ALDH2: variants seen among roughly 807,000 people sequenced by gnomAD.
The protein encoded by ALDH2 is aldehyde dehydrogenase 2 family member.
Under a neutral mutation model 59.6 loss-of-function variants are expected in ALDH2, and 44 were observed. That is an observed-to-expected ratio of 0.74 (90% CI 0.58 to 0.95). The LOEUF is 0.95. Ranked by LOEUF, ALDH2 falls within the 40% of genes least tolerant of loss-of-function variation. The probability of loss-of-function intolerance (pLI) is 0.00; values close to 1 mark genes in which losing one functional copy is unlikely to be tolerated. For missense variants in ALDH2, 570 were observed against 696.3 expected, an observed-to-expected ratio of 0.82 and a Z score of 2.04; for synonymous variants, 291 against 284.0, an observed-to-expected ratio of 1.02 and a Z score of -0.25.
chr12:111,783,236 C>T lies in ALDH2; in HGVS notation c.298C>T (p.His100Tyr). 6.2e-7 allele frequency: 1 copy of T among 1,613,478 alleles called. No homozygotes were observed. Among genetic ancestry groups the T allele is most frequent in the Non-Finnish European group, 8.5e-7 (1 of 1,179,734 alleles). ...GSPWRRMDAS[H>Y]RGRLLNRLAD... ...ACCTTGGCGCCGCATGGACGCATCA[C>T]ACAGGGGCCGGCTGCTGAACCGCCT... is the stretch of plus-strand genomic sequence containing the variant. Residue 100 changes from histidine to tyrosine, a missense_variant, in exon 3 of 13, where the codon CAC becomes TAC. Transcript: ENST00000261733.
At chr12:111,778,071 T>G (rs1194706737) in intron 1 of ALDH2, among the ~76,000 whole-genome samples, 1 of 152,132 alleles carries the variant, frequency 6.6e-6, no homozygotes, top group Non-Finnish European at 1.5e-5. Context: ...CCTGGGGCAC[T>G]CTGTTTCCAC....
intron 4 of ALDH2, among the ~76,000 whole-genome samples, chr12:111,786,372 G>A (rs2068309010): frequency 6.6e-6 from 1 of 151,992 alleles, no homozygotes; most frequent in African/African-American, 2.4e-5. Flanking sequence ...GAGTAGCTGG[G>A]ACTACAGGCG....
At chr12:111,771,359 T>G (rs1209646971) in intron 1 of ALDH2, among the ~76,000 whole-genome samples, 1 of 152,118 alleles carries the variant, frequency 6.6e-6, no homozygotes, top group Non-Finnish European at 1.5e-5. Flanking sequence ...ATCTTGCCAC[T>G]GCACTCCATC....
intron 1 of ALDH2, among the ~76,000 whole-genome samples, chr12:111,769,332 C>A (rs1228609607): frequency 6.6e-6 from 1 of 152,012 alleles, no homozygotes; most frequent in Non-Finnish European, 1.5e-5. Context: ...GTGGGAAGAT[C>A]GCTTGAGATT....
At chr12:111,779,986 G>A (rs1430117325) in intron 1 of ALDH2, among the ~76,000 whole-genome samples, 3 of 152,086 alleles carry the variant, frequency 2.0e-5, no homozygotes, top group Non-Finnish European at 4.4e-5. Flanking sequence ...CTGCCTCCTG[G>A]GTTCAAGCGA....
chr12:111,810,388 C>A lies in ALDH2; in HGVS notation c.*813C>A, dbSNP rs4646780. 2 of 149,162 alleles carry A rather than the reference C, an allele frequency of 1.3e-5. No individual in the cohort carries two copies. Among genetic ancestry groups the A allele is most frequent in the East Asian group, 3.9e-4 (2 of 5,070 alleles). 9.2% of individuals were successfully genotyped at this position (149,162 alleles called of 1,614,324 possible). On this transcript the variant is annotated 3_prime_UTR_variant, in exon 13 of 13. Coordinates refer to ENST00000261733, the MANE Select transcript of ALDH2 (RefSeq NM_000690.4). ...ACACTGGATATGATTTCTGCCCCTC[C>A]TCTGCTGTGGGTAAACAGCTTCTGT...
chr12:111,768,178 C>G (rs948839102), intron 1 of ALDH2, among the ~76,000 whole-genome samples: 2 of 152,218 alleles, frequency 1.3e-5, no homozygotes, highest in Non-Finnish European at 2.9e-5. Flanking sequence ...GGGTTCACAG[C>G]TGAACTTCCA....
Position 111,816,356 on chromosome 12 carries a change from G to C in ALDH2, c.*6781G>C, listed in dbSNP as rs1175180667. On this transcript the variant is annotated 3_prime_UTR_variant, in exon 13 of 13. Coordinates refer to ENST00000261733, the MANE Select transcript of ALDH2 (RefSeq NM_000690.4). ...AAGGGGGGGTGGTTGTCGGTCAGCA[G>C]CTTGATTCACAGCAGGCTCACAAGA... The C allele has an allele frequency of 6.6e-6, 1 of 152,236 alleles. No individual in the cohort carries two copies. The highest frequency in any genetic ancestry group is 1.9e-4 in the East Asian group (1 of 5,194). The allele number at this position is 152,236 out of a possible 1,614,324, so 9.4% of individuals were successfully genotyped here.
intron 1 of ALDH2, among the ~76,000 whole-genome samples, chr12:111,767,699 A>G (rs1030817889): frequency 6.6e-6 from 1 of 152,120 alleles, no homozygotes; most frequent in Non-Finnish European, 1.5e-5. Flanking sequence ...CTTCGACCAA[A>G]CCAAGGAGGA....
At chr12:111,798,390 T>G in intron 10 of ALDH2, 148 bp downstream of exon 10, 1 of 791,608 alleles carries the variant, frequency 1.3e-6, no homozygotes. Flanking sequence ...AACACGCTAT[T>G]CATAGTATGT....
At chr12:111,786,821 A>G (rs2068313941) in intron 4 of ALDH2, among the ~76,000 whole-genome samples, 1 of 152,226 alleles carries the variant, frequency 6.6e-6, no homozygotes, top group South Asian at 2.1e-4. Context: ...TGCTGGGATT[A>G]CAGGCATGAG....
chr12:111,814,347 C>CAAA lies in ALDH2; in HGVS notation c.*4783_*4785dup. 1 of 116,330 alleles carries CAAA rather than the reference C, an allele frequency of 8.6e-6. No individual in the cohort carries two copies. The highest frequency in any genetic ancestry group is 1.8e-5 in the Non-Finnish European group (1 of 54,288). 7.2% of individuals were successfully genotyped at this position (116,330 alleles called of 1,614,324 possible). A position where few individuals can be genotyped will look rare whatever the true frequency, so the allele number is the denominator to read the frequency against. The stretch of plus-strand genomic sequence containing the variant: ...GGGTGACAGAGTGAGACTCTGTCTC[C>CAAA]AAAAAAAAAAAAAGAAACCCCATCT... On this transcript the variant is annotated 3_prime_UTR_variant, in exon 13 of 13. Coordinates refer to ENST00000261733, the MANE Select transcript of ALDH2 (RefSeq NM_000690.4).
At chr12:111,784,376 C>A (rs1301227832) in intron 3 of ALDH2, among the ~76,000 whole-genome samples, 1 of 152,218 alleles carries the variant, frequency 6.6e-6, no homozygotes, top group African/African-American at 2.4e-5. Flanking sequence ...CTGCAGTCCT[C>A]ACATTCACAT....
chr12:111,791,505 C>G (rs933407345), intron 7 of ALDH2, 86 bp downstream of exon 7: 2 of 1,058,378 alleles, frequency 1.9e-6, no homozygotes, highest in African/African-American at 3.2e-5. Flanking sequence ...AGGTGAGCTC[C>G]CGGGTGTCAA....
Position 111,769,161 on chromosome 12 carries a change from G to A in ALDH2, c.114+2065G>A, listed in dbSNP as rs560660376. Among the ~76,000 whole-genome samples, 25 of 152,276 alleles carry A rather than the reference G, an allele frequency of 1.6e-4. 1 individual carries two copies. The highest frequency in any genetic ancestry group is 2.1e-4 in the Non-Finnish European group (14 of 68,018). Reference sequence around the variant, plus strand: ...TCTGTGGGTGTAGGCTGGAGGAGCCGAGTCAATTCCCTGTGGCTGCTTTTC... The same window carrying A: ...TCTGTGGGTGTAGGCTGGAGGAGCCAAGTCAATTCCCTGTGGCTGCTTTTC... On this transcript the variant is annotated intron_variant, in intron 1 of 12. Transcript: ENST00000261733.
At chr12:111,802,209 C>G (rs1262862708) in intron 11 of ALDH2, among the ~76,000 whole-genome samples, 1 of 151,896 alleles carries the variant, frequency 6.6e-6, no homozygotes, top group African/African-American at 2.4e-5. Context: ...GTCAGGAGTT[C>G]AAGACCAGCC....
chr12:111,792,608 C>A lies in ALDH2; in HGVS notation c.909C>A (p.Ala303=), dbSNP rs147887880. The part of the protein sequence containing the change: ...IIMSDADMDW[A]VEQAHFALFF... ...GCCCACTTCCCGCAGTGGATTGGGC[C>A]GTGGAACAGGCCCACTTCGCCCTGT... The change falls in exon 9 of 13, where the codon GCC becomes GCA. Residue 303 remains alanine, a synonymous_variant. Coordinates refer to ENST00000261733, the MANE Select transcript of ALDH2 (RefSeq NM_000690.4). 1.2e-6 allele frequency: 2 copies of A among 1,612,058 alleles called. No homozygotes were observed. Among genetic ancestry groups the A allele is most frequent in the African/African-American group, 1.3e-5 (1 of 74,926 alleles).
chr12:111,791,452 C>T (rs1444331116), intron 7 of ALDH2, 33 bp downstream of exon 7: 10 of 1,528,598 alleles, frequency 6.5e-6, no homozygotes, highest in Middle Eastern at 1.7e-4. Flanking sequence ...CTTGCAGCCT[C>T]CTTGGCCCAA....
intron 11 of ALDH2, among the ~76,000 whole-genome samples, chr12:111,802,311 A>G (rs939419822): frequency 1.3e-5 from 2 of 149,536 alleles, no homozygotes; most frequent in African/African-American, 4.9e-5. Context: ...ACTTGGGAGG[A>G]TGAGGCAGGA....
Sources: gnomAD v4.1 joint callset for allele counts (sites outside exome capture counted in the v4.1 genomes callset) on GRCh38, gnomAD v4.1.1 for gene constraint, MANE v1.5 for transcripts, NCBI Gene and HGNC (gene_info 2026-07-23, HGNC 2026-07-21) for gene names.